The following MAGI1 variants were observed in gnomAD, a reference collection of about 807,000 sequenced individuals.
The protein encoded by MAGI1 is membrane associated guanylate kinase, WW and PDZ domain containing 1, also known as membrane-associated guanylate kinase, WW and PDZ domain-containing protein 1.
In MAGI1, 58 loss-of-function variants were observed where a neutral mutation model predicts 139.9. The observed-to-expected ratio is 0.41, with a 90% CI of 0.34 to 0.52. MAGI1 has a LOEUF of 0.52. MAGI1 is among the 20% of genes least tolerant of loss of function. MAGI1 has a pLI of 0.12. For missense variants in MAGI1, 1,874 were observed against 1,901.6 expected, an observed-to-expected ratio of 0.99 and a Z score of 0.27; for synonymous variants, 812 against 737.9, an observed-to-expected ratio of 1.10 and a Z score of -1.63.
intron 1 of MAGI1, among the ~76,000 whole-genome samples, chr3:65,631,145 CAGGAA>C: frequency 6.6e-6 from 1 of 152,280 alleles, no homozygotes; most frequent in East Asian, 1.9e-4. Flanking sequence ...GGAAGAAGGA[CAGGAA>C]GGGGCAGAGA....
intron 2 of MAGI1, among the ~76,000 whole-genome samples, chr3:65,512,570 T>C (rs1437249168): frequency 6.6e-6 from 1 of 152,102 alleles, no homozygotes; most frequent in Non-Finnish European, 1.5e-5. Context: ...AATGGATAAA[T>C]TCCTCAACAC....
chr3:65,935,693 T>C lies in MAGI1; in HGVS notation c.313+102303A>G, dbSNP rs931368244. 2.0e-5 allele frequency among the ~76,000 whole-genome samples: 3 copies of C among 152,146 alleles called. No homozygotes were observed. In the South Asian group the frequency reaches 6.2e-4, roughly 32 times the overall value. ...CTGGCCTGGAAGTTGCTTTGACCAATAGAATGTGGTAAAGGTGACACTGTG... is the reference window on the plus strand; with the variant it reads ...CTGGCCTGGAAGTTGCTTTGACCAACAGAATGTGGTAAAGGTGACACTGTG... On this transcript the variant is annotated intron_variant, in intron 1 of 22. Transcript: ENST00000402939.
At chr3:65,456,283 T>C (rs1364708708) in intron 5 of MAGI1, among the ~76,000 whole-genome samples, 2 of 152,184 alleles carry the variant, frequency 1.3e-5, no homozygotes, top group Admixed American at 1.3e-4. Flanking sequence ...TGAACTAATA[T>C]TTCATGTGCA....
At chr3:65,834,526 A>AG (rs2042701524) in intron 1 of MAGI1, among the ~76,000 whole-genome samples, 1 of 152,312 alleles carries the variant, frequency 6.6e-6, no homozygotes, top group African/African-American at 2.4e-5. Context: ...TACGATCTGT[A>AG]GGTGCTTGAA....
At position 65,608,210 on chromosome 3, in the gene MAGI1, G is replaced by C. The variant is rs145370850; in HGVS notation, c.430+13762C>G. Among the ~76,000 whole-genome samples, 727 of 152,294 alleles carry C rather than the reference G, an allele frequency of 4.8e-3. 7 individuals are homozygous for C. The highest frequency in any genetic ancestry group is 0.017 in the African/African-American group (703 of 41,570). On this transcript the variant is annotated intron_variant, in intron 2 of 22. Coordinates refer to ENST00000402939, the MANE Select transcript of MAGI1 (RefSeq NM_001033057.2). Reference sequence around the variant, plus strand: ...CAATCCCAGCACTTTGGGAGGGTGAGACAGGCGGATCACCTGAGGTCAGGA... The same window carrying C: ...CAATCCCAGCACTTTGGGAGGGTGACACAGGCGGATCACCTGAGGTCAGGA...
intron 18 of MAGI1, chr3:65,371,877 C>T (rs185521225): frequency 2.3e-5 from 10 of 442,126 alleles, no homozygotes; most frequent in Admixed American, 2.2e-4. Context: ...CATCTTCCGG[C>T]TCCACTTCCA....
intron 2 of MAGI1, among the ~76,000 whole-genome samples, chr3:65,503,515 T>C (rs975855645): frequency 2.0e-5 from 3 of 152,170 alleles, no homozygotes; most frequent in African/African-American, 2.4e-5. Context: ...GTGTCAGTAA[T>C]TGTGTCTCAT....
chr3:65,926,166 T>G (rs1391829103), intron 1 of MAGI1, among the ~76,000 whole-genome samples: 1 of 152,222 alleles, frequency 6.6e-6, no homozygotes, highest in Non-Finnish European at 1.5e-5. Context: ...ATTTTTTAAC[T>G]TCAATAGATT....
At chr3:65,968,762 C>T (rs2064880091) in intron 1 of MAGI1, among the ~76,000 whole-genome samples, 1 of 152,030 alleles carries the variant, frequency 6.6e-6, no homozygotes, top group Non-Finnish European at 1.5e-5. Context: ...TTTAATTCTA[C>T]ACAGTTTTCT....
At chr3:65,547,959 A>C (rs1333722138) in intron 2 of MAGI1, among the ~76,000 whole-genome samples, 1 of 152,250 alleles carries the variant, frequency 6.6e-6, no homozygotes, top group Non-Finnish European at 1.5e-5. Flanking sequence ...AAGAAAAGTT[A>C]AGAACAATGT....
Position 65,530,854 on chromosome 3 carries a change from C to CACACAT in MAGI1, c.431-37224_431-37223insATGTGT, listed in dbSNP as rs138048319. The stretch of plus-strand genomic sequence containing the variant: ...ATATATATATACACACACACACACA[C>CACACAT]ATATATATATATATGGAGAGAGAGA... On this transcript the variant is annotated intron_variant, in intron 2 of 22. Transcript: ENST00000402939. Among the ~76,000 whole-genome samples, 460 of 108,062 alleles carry CACACAT rather than the reference C, an allele frequency of 4.3e-3. 43 individuals are homozygous for CACACAT. The highest frequency in any genetic ancestry group is 0.011 in the African/African-American group (260 of 24,718). The allele number at this position is 108,062 out of a possible 152,430, so 70.9% of individuals were successfully genotyped here. A position where few individuals can be genotyped will look rare whatever the true frequency, so the allele number is the denominator to read the frequency against.
intron 17 of MAGI1, among the ~76,000 whole-genome samples, chr3:65,376,487 C>T (rs1312172117): frequency 6.6e-6 from 1 of 152,158 alleles, no homozygotes; most frequent in African/African-American, 2.4e-5. Flanking sequence ...CTGAAAACAC[C>T]TGATGAACAA....
At chr3:65,959,796 CTCT>C (rs1474562383) in intron 1 of MAGI1, among the ~76,000 whole-genome samples, 3 of 94,862 alleles carry the variant, frequency 3.2e-5, no homozygotes, top group African/African-American at 1.0e-4. Flanking sequence ...AATAAATTCT[CTCT>C]TTTTTTTTTT....
At chr3:65,499,381 G>A (rs2076997015) in intron 2 of MAGI1, among the ~76,000 whole-genome samples, 1 of 152,170 alleles carries the variant, frequency 6.6e-6, no homozygotes, top group Non-Finnish European at 1.5e-5. Context: ...CAGGTGCAGT[G>A]GCTCATGCCT....
At chr3:65,427,543 T>C (rs1181968086) in intron 12 of MAGI1, among the ~76,000 whole-genome samples, 1 of 152,296 alleles carries the variant, frequency 6.6e-6, no homozygotes, top group South Asian at 2.1e-4. Context: ...TTTGTGTCTG[T>C]CAAATGAGCA....
At chr3:65,995,570 T>C (rs887872669) in intron 1 of MAGI1, among the ~76,000 whole-genome samples, 4 of 151,924 alleles carry the variant, frequency 2.6e-5, no homozygotes, top group Non-Finnish European at 5.9e-5. Context: ...AGATCCTAAA[T>C]GTATCACGAG....
At chr3:65,648,620 C>G (rs2085411018) in intron 1 of MAGI1, among the ~76,000 whole-genome samples, 1 of 152,118 alleles carries the variant, frequency 6.6e-6, no homozygotes, top group South Asian at 2.1e-4. Flanking sequence ...AGAGTCGACA[C>G]AGTAAATATA....
At chr3:65,969,842 T>G (rs1171380399) in intron 1 of MAGI1, among the ~76,000 whole-genome samples, 3 of 152,226 alleles carry the variant, frequency 2.0e-5, no homozygotes, top group East Asian at 1.9e-4. Flanking sequence ...TTTCATTAAT[T>G]AAATTTAAAT....
chr3:65,696,335 T>A (rs1051643951), intron 1 of MAGI1, among the ~76,000 whole-genome samples: 33 of 152,272 alleles, frequency 2.2e-4, no homozygotes, highest in African/African-American at 6.3e-4. Context: ...TACATTTTTT[T>A]AATTATCTGT....
Sources: allele counts gnomAD v4.1 joint callset (sites outside exome capture counted in the v4.1 genomes callset), GRCh38; gene constraint gnomAD v4.1.1; transcripts MANE v1.5; gene names NCBI Gene and HGNC (gene_info 2026-07-23, HGNC 2026-07-21).